Variants in CPNE4 observed in about 807,000 individuals in gnomAD.
The protein encoded by CPNE4 is copine 4.
A neutral mutation model predicts 67.9 loss-of-function variants in CPNE4; 25 were observed. That is an observed-to-expected ratio of 0.37 (90% CI 0.27 to 0.51). The LOEUF (loss-of-function observed/expected upper bound fraction) is 0.51, where lower values mean the gene tolerates loss of function less well. Among genes scored for constraint, CPNE4 ranks in the 20% least tolerant of loss-of-function variants. The pLI is 0.93. For synonymous variants in CPNE4, 242 were observed against 244.9 expected (o/e 0.99, Z 0.11); for missense variants, 464 against 690.8 (o/e 0.67, Z 3.68).
chr3:131,942,457 TGTGTGTGAGAGAGAGAGA>T (rs1560642786), intron 1 of CPNE4, among the ~76,000 whole-genome samples: 13 of 61,030 alleles, frequency 2.1e-4, no homozygotes, highest in South Asian at 4.8e-4. Flanking sequence ...TGTGTGTGTG[TGTGTGTGAGAGAGAGAGA>T]GAGAGAGAGA....
intron 2 of CPNE4, among the ~76,000 whole-genome samples, chr3:131,788,582 G>A (rs1284155870): frequency 2.0e-5 from 3 of 152,036 alleles, no homozygotes; most frequent in African/African-American, 4.8e-5. Context: ...TTTTCTTGAG[G>A]ACACTTTGTC....
upstream of CPNE4, among the ~76,000 whole-genome samples, chr3:132,035,872 T>C (rs1392199687): frequency 6.6e-6 from 1 of 152,152 alleles, no homozygotes; most frequent in African/African-American, 2.4e-5. Flanking sequence ...GTGTGTTACA[T>C]CTAACGTGGA....
chr3:131,977,709 C>G (rs564514886), intron 1 of CPNE4, among the ~76,000 whole-genome samples: 2 of 151,876 alleles, frequency 1.3e-5, no homozygotes, highest in Non-Finnish European at 1.5e-5. Context: ...TCATAAGTTA[C>G]AGGGGTACAG....
chr3:131,627,050 A>G (rs775847851), intron 7 of CPNE4, among the ~76,000 whole-genome samples: 1 of 151,994 alleles, frequency 6.6e-6, no homozygotes, highest in East Asian at 1.9e-4. Context: ...AAAATTAGCC[A>G]GGTGCGGTGG....
intron 7 of CPNE4, among the ~76,000 whole-genome samples, chr3:131,600,932 T>A (rs1045703024): frequency 1.3e-5 from 2 of 152,218 alleles, no homozygotes; most frequent in African/African-American, 4.8e-5. Context: ...AAATCAGTTC[T>A]CAGTTTACAT....
rs183419885 is a variant in CPNE4 at position 131,743,022 on chromosome 3, C to T, written c.181-19397G>A. Reference sequence around the variant, plus strand: ...AGATAAAGGTGTACATCAACAAAATCGAAGAGAAACAAAAATATTAGAAGT... The same window carrying T: ...AGATAAAGGTGTACATCAACAAAATTGAAGAGAAACAAAAATATTAGAAGT... On this transcript the variant is annotated intron_variant, in intron 2 of 15. Transcript: ENST00000429747. Among the ~76,000 whole-genome samples the T allele has an allele frequency of 1.1e-3, 164 of 151,902 alleles. 1 individual carries two copies. The highest frequency in any genetic ancestry group is 3.8e-3 in the African/African-American group (156 of 41,454).
chr3:131,807,772 T>A (rs1407893908), intron 2 of CPNE4, among the ~76,000 whole-genome samples: 4 of 152,180 alleles, frequency 2.6e-5, no homozygotes, highest in Non-Finnish European at 4.4e-5. Flanking sequence ...ATATATTTTT[T>A]AAAATGAACA....
chr3:131,853,386 T>C (rs945029607), intron 2 of CPNE4, among the ~76,000 whole-genome samples: 3 of 151,808 alleles, frequency 2.0e-5, no homozygotes, highest in Non-Finnish European at 4.4e-5. Context: ...TGTGTGTGTA[T>C]ACTCTCAAAT....
intron 7 of CPNE4, among the ~76,000 whole-genome samples, chr3:131,645,067 A>G (rs1434970775): frequency 2.6e-5 from 4 of 152,206 alleles, no homozygotes; most frequent in Non-Finnish European, 5.9e-5. Flanking sequence ...GAAAAACCGG[A>G]AAAACTTGGA....
intron 14 of CPNE4, among the ~76,000 whole-genome samples, chr3:131,544,214 T>C (rs1935684732): frequency 6.6e-6 from 1 of 152,210 alleles, no homozygotes; most frequent in South Asian, 2.1e-4. Flanking sequence ...GATTAAGCCA[T>C]TCCACGTTAC....
At chr3:131,867,256 T>C (rs1040527779) in intron 2 of CPNE4, among the ~76,000 whole-genome samples, 5 of 152,032 alleles carry the variant, frequency 3.3e-5, no homozygotes, top group Non-Finnish European at 7.4e-5. Context: ...CACCCGCTCT[T>C]TGGGGCACAG....
chr3:131,793,749 G>A (rs896077429), intron 2 of CPNE4, among the ~76,000 whole-genome samples: 13 of 152,066 alleles, frequency 8.5e-5, no homozygotes, highest in African/African-American at 3.1e-4. Flanking sequence ...CCAGGTCTCC[G>A]CTCAAATATC....
At chr3:131,626,990 C>G (rs75896585) in intron 7 of CPNE4, among the ~76,000 whole-genome samples, 2 of 151,904 alleles carry the variant, frequency 1.3e-5, no homozygotes, top group African/African-American at 4.8e-5. Flanking sequence ...GTCAGGAGTT[C>G]GAGACCAGCC....
chr3:131,643,691 C>T (rs1433376476), intron 7 of CPNE4, among the ~76,000 whole-genome samples: 2 of 152,148 alleles, frequency 1.3e-5, no homozygotes, highest in Non-Finnish European at 2.9e-5. Flanking sequence ...CCATAATCCC[C>T]ATGTGTCATG....
chr3:131,949,852 C>T (rs1467773696), intron 1 of CPNE4, among the ~76,000 whole-genome samples: 1 of 151,974 alleles, frequency 6.6e-6, no homozygotes, highest in Non-Finnish European at 1.5e-5. Context: ...TATTATATGT[C>T]CCTCCATTAA....
At chr3:131,947,402 A>G (rs1413815008) in intron 1 of CPNE4, among the ~76,000 whole-genome samples, 2 of 152,064 alleles carry the variant, frequency 1.3e-5, no homozygotes, top group Admixed American at 6.6e-5. Context: ...CCACCCCCCA[A>G]TAGGCCCCAG....
chr3:131,986,595 G>A (rs1174593927), intron 1 of CPNE4, among the ~76,000 whole-genome samples: 1 of 152,086 alleles, frequency 6.6e-6, no homozygotes, highest in African/African-American at 2.4e-5. Context: ...AGGAGGAATT[G>A]TGCAACATAG....
chr3:131,925,553 G>GAAGGA (rs10634142), intron 1 of CPNE4: 114,105 of 151,482 alleles, frequency 0.75, 43,248 homozygotes, highest in Admixed American at 0.83. Context: ...GATTCTCCTT[G>GAAGGA]GAGAAAGAAA....
intron 1 of CPNE4, among the ~76,000 whole-genome samples, chr3:132,008,120 G>T (rs2107673649): frequency 6.6e-6 from 1 of 152,212 alleles, no homozygotes; most frequent in Non-Finnish European, 1.5e-5. Context: ...TCTTGAAGAT[G>T]TTATATGGGA....
Sources: allele counts gnomAD v4.1 joint callset (sites outside exome capture counted in the v4.1 genomes callset), GRCh38; gene constraint gnomAD v4.1.1; transcripts MANE v1.5; gene names NCBI Gene and HGNC (gene_info 2026-07-23, HGNC 2026-07-21).